CTNNA2: variants seen among roughly 807,000 people sequenced by gnomAD.
CTNNA2 encodes the protein catenin alpha 2, also known as catenin alpha-2.
Under a neutral mutation model 101.0 loss-of-function variants are expected in CTNNA2, and 42 were observed. The ratio of observed to expected loss-of-function variants is 0.42; its 90% confidence interval spans 0.32 to 0.54. The LOEUF (loss-of-function observed/expected upper bound fraction) is 0.54, where lower values mean the gene tolerates loss of function less well. Among genes scored for constraint, CTNNA2 ranks in the 20% least tolerant of loss-of-function variants. CTNNA2 has a pLI of 0.14. For synonymous variants in CTNNA2, 450 were observed against 456.4 expected, an observed-to-expected ratio of 0.99 and a Z score of 0.18; for missense variants, 871 against 1,223.1, an observed-to-expected ratio of 0.71 and a Z score of 4.29.
chr2:80,343,072 A>G (rs925595391), intron 7 of CTNNA2, among the ~76,000 whole-genome samples: 9 of 152,142 alleles, frequency 5.9e-5, no homozygotes, highest in Non-Finnish European at 8.8e-5. Context: ...CTATGAGGAA[A>G]CAGTTACATT....
chr2:79,198,703 A>C (rs957019718), intron 2 of CTNNA2, among the ~76,000 whole-genome samples: 1 of 152,222 alleles, frequency 6.6e-6, no homozygotes, highest in Non-Finnish European at 1.5e-5. Context: ...ATCAAATATT[A>C]CTTGAGCTAC....
chr2:79,705,810 C>T (rs1005783109), intron 2 of CTNNA2, among the ~76,000 whole-genome samples: 2 of 152,206 alleles, frequency 1.3e-5, no homozygotes, highest in Admixed American at 6.5e-5. Context: ...CTATCTAGCA[C>T]ACTGCCTGTA....
chr2:80,521,426 T>C (rs1016413328), intron 9 of CTNNA2, among the ~76,000 whole-genome samples: 8 of 152,288 alleles, frequency 5.3e-5, no homozygotes, highest in Middle Eastern at 3.4e-3. Context: ...CTGGAACCCA[T>C]GAATATGTTA....
At chr2:79,804,781 A>C (rs1676439099) in intron 3 of CTNNA2, among the ~76,000 whole-genome samples, 1 of 152,226 alleles carries the variant, frequency 6.6e-6, no homozygotes, top group Admixed American at 6.5e-5. Context: ...ATAATGCCAA[A>C]AATTAAAATG....
At chr2:79,514,982 A>C (rs954177347) in intron 1 of CTNNA2, among the ~76,000 whole-genome samples, 1 of 152,206 alleles carries the variant, frequency 6.6e-6, no homozygotes, top group South Asian at 2.1e-4. Context: ...TGAGATGAAG[A>C]GAATTGCCTT....
intron 7 of CTNNA2, among the ~76,000 whole-genome samples, chr2:79,944,980 C>T (rs1688400324): frequency 6.6e-6 from 1 of 152,158 alleles, no homozygotes; most frequent in Non-Finnish European, 1.5e-5. Context: ...AATGAGAGTA[C>T]TTAATGTTTT....
chr2:79,271,481 A>C (rs1675082308), intron 2 of CTNNA2, among the ~76,000 whole-genome samples: 1 of 152,132 alleles, frequency 6.6e-6, no homozygotes, highest in Non-Finnish European at 1.5e-5. Context: ...CAGAGTGGCG[A>C]GGAAATAACA....
rs142981121 is a variant in CTNNA2, at chr2:80,411,552, G to A, written c.1138-7897G>A. ...AATCCCTTGTATATATACTTTACTCGTTCAGGAATCACATTTGTTCCTGGA... is the reference window on the plus strand; with the variant it reads ...AATCCCTTGTATATATACTTTACTCATTCAGGAATCACATTTGTTCCTGGA... On this transcript the variant is annotated intron_variant, in intron 8 of 18. Transcript: ENST00000402739. Among the ~76,000 whole-genome samples, 134 of 152,184 alleles carry A rather than the reference G, an allele frequency of 8.8e-4. 1 individual carries two copies. Among genetic ancestry groups the A allele is most frequent in the African/African-American group, 2.6e-3 (108 of 41,524 alleles).
chr2:79,449,332 A>C (rs546539058), intron 4 of CTNNA2, among the ~76,000 whole-genome samples: 7 of 152,166 alleles, frequency 4.6e-5, no homozygotes, highest in African/African-American at 1.7e-4. Context: ...TACAGGTGGA[A>C]TCATTCCCCA....
At chr2:80,268,668 A>G (rs1378504070) in intron 7 of CTNNA2, among the ~76,000 whole-genome samples, 1 of 152,216 alleles carries the variant, frequency 6.6e-6, no homozygotes, top group Non-Finnish European at 1.5e-5. Flanking sequence ...TGCCTTGTAA[A>G]TCATCAAAGA....
intron 7 of CTNNA2, among the ~76,000 whole-genome samples, chr2:79,965,182 G>GT (rs1689949570): frequency 6.6e-6 from 1 of 152,100 alleles, no homozygotes; most frequent in Non-Finnish European, 1.5e-5. Context: ...GTAACACATC[G>GT]TGGGAGGGCA....
intron 4 of CTNNA2, among the ~76,000 whole-genome samples, chr2:79,463,708 G>A (rs1449060493): frequency 6.6e-6 from 1 of 152,148 alleles, no homozygotes; most frequent in African/African-American, 2.4e-5. Context: ...GGAAAATAAA[G>A]CCTGAAGTTC....
chr2:79,988,298 G>A (rs757034335), intron 7 of CTNNA2, among the ~76,000 whole-genome samples: 1 of 152,194 alleles, frequency 6.6e-6, no homozygotes, highest in Non-Finnish European at 1.5e-5. Context: ...GCCACCATCA[G>A]CACTATCATC....
intron 9 of CTNNA2, among the ~76,000 whole-genome samples, chr2:80,440,596 T>A (rs1340320184): frequency 6.6e-6 from 1 of 152,008 alleles, no homozygotes; most frequent in Admixed American, 6.6e-5. Context: ...TTGTTATAGA[T>A]CATTGCAGAT....
At chr2:79,855,912 T>G (rs750254521) in intron 3 of CTNNA2, among the ~76,000 whole-genome samples, 12 of 152,224 alleles carry the variant, frequency 7.9e-5, no homozygotes, top group Admixed American at 6.5e-4. Context: ...CTGTATAAAG[T>G]AGGGAAAAGG....
chr2:79,627,016 T>C (rs1343704288), intron 1 of CTNNA2, among the ~76,000 whole-genome samples: 1 of 152,206 alleles, frequency 6.6e-6, no homozygotes, highest in Non-Finnish European at 1.5e-5. Flanking sequence ...GTTTCTAAGA[T>C]TGCCTGTCCC....
chr2:79,542,724 G>A (rs902534267), intron 1 of CTNNA2, among the ~76,000 whole-genome samples: 4 of 152,102 alleles, frequency 2.6e-5, no homozygotes, highest in Non-Finnish European at 5.9e-5. Flanking sequence ...GAACAGAGCT[G>A]CTTTAATTTT....
intron 7 of CTNNA2, among the ~76,000 whole-genome samples, chr2:80,278,716 C>T (rs1190571318): frequency 3.3e-5 from 5 of 151,948 alleles, no homozygotes; most frequent in Admixed American, 2.0e-4. Flanking sequence ...CAGTCTGCCT[C>T]GGACTAAAAT....
chr2:80,221,743 G>A (rs1204270611), intron 7 of CTNNA2, among the ~76,000 whole-genome samples: 1 of 152,162 alleles, frequency 6.6e-6, no homozygotes, highest in Admixed American at 6.5e-5. Flanking sequence ...CTTATAAACT[G>A]CCTGAGCAAT....
Sources: gnomAD v4.1 joint callset for allele counts (sites outside exome capture counted in the v4.1 genomes callset) on GRCh38, gnomAD v4.1.1 for gene constraint, MANE v1.5 for transcripts, NCBI Gene and HGNC (gene_info 2026-07-23, HGNC 2026-07-21) for gene names.